CADM2: variants seen among roughly 807,000 people sequenced by gnomAD.
The protein encoded by CADM2 is immunoglobulin superfamily member 4D.
Under a neutral mutation model 49.8 loss-of-function variants are expected in CADM2, and 12 were observed. The ratio of observed to expected loss-of-function variants is 0.24; its 90% CI spans 0.15 to 0.39. CADM2 has a LOEUF of 0.39. Among genes scored for constraint, CADM2 ranks in the 10% least tolerant of loss-of-function variants. The pLI is 1.00. For missense variants in CADM2, 378 were observed against 492.3 expected, an observed-to-expected ratio of 0.77 and a Z score of 2.20; for synonymous variants, 214 against 175.4, an observed-to-expected ratio of 1.22 and a Z score of -1.74.
At chr3:85,266,490 A>G (rs1212797614) in intron 1 of CADM2, among the ~76,000 whole-genome samples, 1 of 151,756 alleles carries the variant, frequency 6.6e-6, no homozygotes, top group African/African-American at 2.4e-5. Context: ...ATAGTGTACC[A>G]ATACTGATAA....
chr3:85,249,758 A>C (rs2042731863), intron 1 of CADM2, among the ~76,000 whole-genome samples: 1 of 151,908 alleles, frequency 6.6e-6, no homozygotes, highest in African/African-American at 2.4e-5. Flanking sequence ...TATTTGGTAT[A>C]ATTTTTAAAA....
intron 1 of CADM2, among the ~76,000 whole-genome samples, chr3:85,304,566 G>A (rs1270143844): frequency 6.6e-6 from 1 of 151,694 alleles, no homozygotes; most frequent in Non-Finnish European, 1.5e-5. Flanking sequence ...CCACCAGAGG[G>A]CATAAATTTT....
At chr3:85,532,895 A>T (rs550751248) in intron 1 of CADM2, among the ~76,000 whole-genome samples, 1 of 152,168 alleles carries the variant, frequency 6.6e-6, no homozygotes, top group Non-Finnish European at 1.5e-5. Flanking sequence ...TTAGCAAACT[A>T]ATGCAGGAAC....
chr3:86,073,617 A>G lies in CADM2; in HGVS notation c.*6834A>G, dbSNP rs1703398684. ...GTCAGAAAAAAATTGTCTGATAAAT[A>G]TGGAAAAATAAAATTTGAATTTTAG... On this transcript the variant is annotated 3_prime_UTR_variant, in exon 10 of 10. Coordinates refer to ENST00000383699, the MANE Select transcript of CADM2 (RefSeq NM_001167675.2). 1 of 152,034 alleles carries G rather than the reference A, an allele frequency of 6.6e-6. No homozygotes were observed. Among genetic ancestry groups the G allele is most frequent in the Non-Finnish European group, 1.5e-5 (1 of 67,904 alleles). 9.4% of individuals were successfully genotyped at this position (152,034 alleles called of 1,614,324 possible).
intron 1 of CADM2, among the ~76,000 whole-genome samples, chr3:85,390,386 T>C (rs183476666): frequency 6.6e-5 from 10 of 152,202 alleles, no homozygotes; most frequent in Non-Finnish European, 1.5e-5. Flanking sequence ...TTTTCCAAGG[T>C]ATTGAAGTGT....
intron 1 of CADM2, among the ~76,000 whole-genome samples, chr3:85,654,972 G>A (rs562383275): frequency 4.6e-5 from 7 of 152,072 alleles, no homozygotes; most frequent in Non-Finnish European, 8.8e-5. Context: ...TTTTATTGTT[G>A]AAAAAATTGG....
chr3:85,517,178 T>C (rs1339487594), intron 1 of CADM2, among the ~76,000 whole-genome samples: 1 of 151,936 alleles, frequency 6.6e-6, no homozygotes, highest in Non-Finnish European at 1.5e-5. Flanking sequence ...TGTGTGATGG[T>C]TAGATCTTTT....
At chr3:85,922,503 C>A (rs1221763144) in intron 6 of CADM2, among the ~76,000 whole-genome samples, 1 of 151,678 alleles carries the variant, frequency 6.6e-6, no homozygotes, top group Admixed American at 6.6e-5. Context: ...AACAGAAAAA[C>A]CGGACTTTTT....
Position 85,855,621 on chromosome 3 carries a change from C to CATATATAT in CADM2, c.239-27657_239-27650dup, listed in dbSNP as rs142144366. Among the ~76,000 whole-genome samples the CATATATAT allele has an allele frequency of 1.2e-3, 66 of 54,028 alleles. 4 individuals are homozygous for CATATATAT. The highest frequency in any genetic ancestry group is 1.5e-3 in the Non-Finnish European group (32 of 21,434). The allele number at this position is 54,028 out of a possible 152,430, so 35.4% of individuals were successfully genotyped here. A position where few individuals can be genotyped will look rare whatever the true frequency, so the allele number is the denominator to read the frequency against. On this transcript the variant is annotated intron_variant, in intron 3 of 9. Transcript: ENST00000383699. ...ATAAAACATATATATATATATAAAA[C>CATATATAT]ATATATATATATATATATATTTTGA...
chr3:85,899,451 T>C (rs952213624), intron 5 of CADM2, among the ~76,000 whole-genome samples: 1 of 152,168 alleles, frequency 6.6e-6, no homozygotes, highest in Non-Finnish European at 1.5e-5. Flanking sequence ...TGAATTATTT[T>C]CGGGTCAGTT....
chr3:85,088,367 A>G (rs957598970), intron 1 of CADM2, among the ~76,000 whole-genome samples: 1 of 152,152 alleles, frequency 6.6e-6, no homozygotes, highest in Non-Finnish European at 1.5e-5. Flanking sequence ...ATAAACATCC[A>G]TTGCATTTTG....
At chr3:85,982,792 G>T (rs1727637751) in intron 8 of CADM2, among the ~76,000 whole-genome samples, 2 of 151,582 alleles carry the variant, frequency 1.3e-5, no homozygotes, top group African/African-American at 4.8e-5. Flanking sequence ...TCAAAATCAT[G>T]ATTAAAAAGG....
chr3:85,061,129 T>A (rs1275701364), intron 1 of CADM2, among the ~76,000 whole-genome samples: 1 of 152,160 alleles, frequency 6.6e-6, no homozygotes, highest in Non-Finnish European at 1.5e-5. Flanking sequence ...ATACTTTCCT[T>A]GTGACTTTCA....
intron 1 of CADM2, among the ~76,000 whole-genome samples, chr3:85,471,733 A>ATTTT (rs2038777303): frequency 6.6e-6 from 1 of 150,616 alleles, no homozygotes; most frequent in African/African-American, 2.4e-5. Flanking sequence ...ATTATACTTT[A>ATTTT]AGTTCTGGGG....
intron 8 of CADM2, among the ~76,000 whole-genome samples, chr3:86,045,675 C>A (rs1275035101): frequency 6.6e-6 from 1 of 152,018 alleles, no homozygotes; most frequent in Non-Finnish European, 1.5e-5. Flanking sequence ...AAATTCTTTT[C>A]TCCATGTTGT....
chr3:85,476,784 A>C (rs960904739), intron 1 of CADM2, among the ~76,000 whole-genome samples: 4 of 151,816 alleles, frequency 2.6e-5, no homozygotes, highest in African/African-American at 9.7e-5. Flanking sequence ...ATCCCTGAAA[A>C]ATACACCATG....
intron 1 of CADM2, among the ~76,000 whole-genome samples, chr3:85,102,161 T>C (rs1298989289): frequency 1.3e-5 from 2 of 152,166 alleles, no homozygotes; most frequent in Non-Finnish European, 2.9e-5. Context: ...ACCCCTGCCA[T>C]TGTTATGCCA....
At chr3:85,072,685 C>T (rs558511315) in intron 1 of CADM2, among the ~76,000 whole-genome samples, 70 of 152,076 alleles carry the variant, frequency 4.6e-4, no homozygotes, top group African/African-American at 1.6e-3. Flanking sequence ...CTTTTCCTGT[C>T]TATTAACCAT....
intron 1 of CADM2, among the ~76,000 whole-genome samples, chr3:85,714,154 A>G (rs553393290): frequency 6.6e-6 from 1 of 152,294 alleles, no homozygotes; most frequent in East Asian, 1.9e-4. Context: ...AACCACACTG[A>G]AGTAGATTAA....
Sources: allele counts gnomAD v4.1 joint callset (sites outside exome capture counted in the v4.1 genomes callset), GRCh38; gene constraint gnomAD v4.1.1; transcripts MANE v1.5; gene names NCBI Gene and HGNC (gene_info 2026-07-23, HGNC 2026-07-21).